ERCC6L2: variants seen among roughly 807,000 people sequenced by gnomAD.
ERCC6L2 encodes the protein ERCC excision repair 6 like 2, also known as DNA excision repair protein ERCC-6-like 2.
Under a neutral mutation model 132.0 loss-of-function variants are expected in ERCC6L2, and 77 were observed. That is an observed-to-expected ratio of 0.58 (90% CI 0.49 to 0.71). The LOEUF is 0.71. Among genes scored for constraint, ERCC6L2 ranks in the 30% least tolerant of loss-of-function variants. ERCC6L2 has a pLI of 0.00. For missense variants in ERCC6L2, 1,542 were observed against 1,837.6 expected, an observed-to-expected ratio of 0.84 and a Z score of 2.94; for synonymous variants, 583 against 632.4, an observed-to-expected ratio of 0.92 and a Z score of 1.17.
At chr9:95,907,857 C>CACACACAAACACACA in intron 4 of ERCC6L2, among the ~76,000 whole-genome samples, 5 of 133,732 alleles carry the variant, frequency 3.7e-5, no homozygotes, top group Non-Finnish European at 6.4e-5. Context: ...ACACACACAC[C>CACACACAAACACACA]CCCACACCCA....
intron 19 of ERCC6L2, among the ~76,000 whole-genome samples, chr9:96,030,902 G>A (rs990055357): frequency 1.3e-5 from 2 of 152,086 alleles, no homozygotes; most frequent in Non-Finnish European, 2.9e-5. Flanking sequence ...AAACCAAACC[G>A]CAGTGAAGCC....
chr9:95,896,704 G>A (rs1256532419), intron 2 of ERCC6L2, among the ~76,000 whole-genome samples: 3 of 152,126 alleles, frequency 2.0e-5, no homozygotes, highest in Non-Finnish European at 4.4e-5. Context: ...GATTACATGG[G>A]TGAGCCACTG....
At chr9:95,941,371 T>C in intron 11 of ERCC6L2, 83 bp from the exon 12 acceptor site, 1 of 968,726 alleles carries the variant, frequency 1.0e-6, no homozygotes, top group Non-Finnish European at 1.6e-6. Context: ...GTTTTGGCTA[T>C]AGAAACCTGG....
chr9:95,991,158 A>G (rs928874474), intron 17 of ERCC6L2, among the ~76,000 whole-genome samples: 2 of 152,026 alleles, frequency 1.3e-5, no homozygotes, highest in Admixed American at 1.3e-4. Context: ...CAGAAAGGCA[A>G]CGTTTGGGTG....
intron 14 of ERCC6L2, among the ~76,000 whole-genome samples, chr9:95,969,562 G>A (rs1281237476): frequency 1.3e-5 from 2 of 152,094 alleles, no homozygotes; most frequent in Non-Finnish European, 2.9e-5. Context: ...GACTGGAGTG[G>A]CCATTTATCT....
At chr9:95,976,801 C>T (rs982067624) in intron 16 of ERCC6L2, among the ~76,000 whole-genome samples, 1 of 152,184 alleles carries the variant, frequency 6.6e-6, no homozygotes, top group African/African-American at 2.4e-5. Context: ...ATTGCCTTCA[C>T]AAGTGTCTGA....
chr9:95,997,228 A>G (rs1429510605), intron 17 of ERCC6L2, among the ~76,000 whole-genome samples: 2 of 152,254 alleles, frequency 1.3e-5, no homozygotes, highest in Admixed American at 1.3e-4. Context: ...GAGCATTTCA[A>G]AATATCTACA....
At chr9:95,905,897 A>G (rs1829010481) in intron 3 of ERCC6L2, among the ~76,000 whole-genome samples, 1 of 152,198 alleles carries the variant, frequency 6.6e-6, no homozygotes, top group African/African-American at 2.4e-5. Context: ...TAATTGGTTC[A>G]TCTCTATCAA....
At position 95,907,253 on chromosome 9, in the gene ERCC6L2, G is replaced by A. The variant is rs1237160656; in HGVS notation, c.770G>A (p.Cys257Tyr). 5 of 1,610,480 alleles carry A rather than the reference G, an allele frequency of 3.1e-6. No homozygotes were observed. The highest frequency in any genetic ancestry group is 4.2e-6 in the Non-Finnish European group (5 of 1,178,748). ...ALTTYETLRL[C>Y]LDELNSLEWS... ...ACAACTTATGAAACACTACGCTTAT[G>A]CCTGGATGAACTTAACAGGTAATGG... Residue 257 changes from cysteine (C) to tyrosine (Y), a missense_variant, in exon 4 of 19, where the codon TGC (cysteine) becomes TAC (tyrosine). Cys to Tyr is a radical substitution (Grantham distance 194). Transcript: ENST00000653738.
At position 95,876,007 on chromosome 9, in the gene ERCC6L2, T is replaced by A. The variant is rs10986795; in HGVS notation, c.-32T>A. 6.4e-7 allele frequency: 1 copy of A among 1,573,458 alleles called. No homozygotes were observed. The highest frequency in any genetic ancestry group is 1.2e-5 in the South Asian group (1 of 85,758). ...CCTCCGCCGCCTTCCGGGTGTTACATGCAGCCGGGCTCGGCCCCTCCCCCT... is the reference window on the plus strand; with the variant it reads ...CCTCCGCCGCCTTCCGGGTGTTACAAGCAGCCGGGCTCGGCCCCTCCCCCT... On this transcript the variant is annotated 5_prime_UTR_variant, in exon 1 of 19. The change abolishes an upstream ATG in the 5' untranslated region. Transcript: ENST00000653738.
rs780776875 is a variant in ERCC6L2 at position 95,973,057 on chromosome 9, G to A, written c.3306G>A (p.Glu1102=). The change falls in exon 16 of 19, where the codon GAG becomes GAA. Residue 1102 remains glutamate (E), a synonymous_variant. Transcript: ENST00000653738. ...KCSNEKVVNQ[E]QSYESMDKFL... Reference sequence around the variant, plus strand: ...CAAATGAGAAAGTTGTTAATCAAGAGCAGTCGTATGAATCAATGGATAAAT... The same window carrying A: ...CAAATGAGAAAGTTGTTAATCAAGAACAGTCGTATGAATCAATGGATAAAT... 1.5e-6 allele frequency: 2 copies of A among 1,356,744 alleles called. No individual in the cohort carries two copies. The highest frequency in any genetic ancestry group is 2.0e-6 in the Non-Finnish European group (2 of 1,018,028). 84.0% of individuals were successfully genotyped at this position (1,356,744 alleles called of 1,614,324 possible).
intron 8 of ERCC6L2, 62 bp downstream of exon 8, chr9:95,922,480 A>T (rs1051976725): frequency 1.0e-6 from 1 of 974,224 alleles, no homozygotes; most frequent in Non-Finnish European, 1.5e-6. Context: ...ATAAAGTTTT[A>T]AAATAGTTAT....
intron 18 of ERCC6L2, 27 bp downstream of exon 18, chr9:96,004,728 T>G (rs755652216): frequency 2.4e-6 from 3 of 1,270,580 alleles, no homozygotes; most frequent in Non-Finnish European, 3.1e-6. Context: ...AATACTATAC[T>G]TGAAGAATAA....
rs1225802415 is a variant in ERCC6L2 at position 95,941,450 on chromosome 9, C to T, written c.1752-4C>T. The T allele has an allele frequency of 2.5e-6, 4 of 1,604,486 alleles. No individual in the cohort carries two copies. The highest frequency in any genetic ancestry group is 3.4e-6 in the Non-Finnish European group (4 of 1,174,070). ...TGTGCTTTTTTTTTTTCTCTTTCCT[C>T]CAGGGCTGGTGGACTAGGCCTCAAT... is the stretch of plus-strand genomic sequence containing the variant. On this transcript the variant is annotated splice_polypyrimidine_tract_variant and splice_region_variant and intron_variant, in intron 11 of 18. Transcript: ENST00000653738.
chr9:96,038,557 G>C (rs1346675791), intron 19 of ERCC6L2, among the ~76,000 whole-genome samples: 1 of 152,188 alleles, frequency 6.6e-6, no homozygotes, highest in Non-Finnish European at 1.5e-5. Context: ...TGGCCATCTG[G>C]GATTGGTCTC....
At chr9:95,900,386 CA>C (rs201613057) in intron 3 of ERCC6L2, among the ~76,000 whole-genome samples, 271 of 137,642 alleles carry the variant, frequency 2.0e-3, no homozygotes, top group East Asian at 3.1e-3. Flanking sequence ...GACCCTGTCT[CA>C]AAAAAAAAAA....
intron 19 of ERCC6L2, among the ~76,000 whole-genome samples, chr9:96,032,816 G>T (rs1183071744): frequency 1.3e-5 from 2 of 152,192 alleles, no homozygotes; most frequent in African/African-American, 4.8e-5. Context: ...CCATTCCCTT[G>T]TTTGTAGGTC....
rs1827548940 is a variant in ERCC6L2, at chr9:95,880,836, G to A, written c.47-33G>A. 3.2e-6 allele frequency: 5 copies of A among 1,556,642 alleles called. 1 individual carries two copies. The highest frequency in any genetic ancestry group is 4.3e-6 in the Non-Finnish European group (5 of 1,154,612). On this transcript the variant is annotated intron_variant, in intron 1 of 18. Coordinates refer to ENST00000653738, the MANE Select transcript of ERCC6L2 (RefSeq NM_020207.7). ...AAATGAGGTGTTACTTTATAAGCTAGCTTTGGAAACTTTATTTTCTTTATT... is the reference window on the plus strand; with the variant it reads ...AAATGAGGTGTTACTTTATAAGCTAACTTTGGAAACTTTATTTTCTTTATT...
At chr9:95,927,980 A>G (rs1306890621) in intron 9 of ERCC6L2, 99 bp from the exon 10 acceptor site, 2 of 814,442 alleles carry the variant, frequency 2.5e-6, no homozygotes, top group Non-Finnish European at 4.1e-6. Flanking sequence ...TTAGTATTGT[A>G]TGAAAATAAT....
Sources: gnomAD v4.1 joint callset for allele counts (sites outside exome capture counted in the v4.1 genomes callset) on GRCh38, gnomAD v4.1.1 for gene constraint, MANE v1.5 for transcripts, NCBI Gene and HGNC (gene_info 2026-07-23, HGNC 2026-07-21) for gene names.